TEX22: variants seen among roughly 807,000 people sequenced by gnomAD.
TEX22 encodes the protein testis-expressed protein 22.
TEX22 carries 16 observed loss-of-function variants against 11.3 expected under a neutral mutation model. The observed-to-expected ratio is 1.42, with a 90% confidence interval of 0.96 to 2.15. The LOEUF is 2.15. Among genes scored for constraint, TEX22 ranks in the 30% most tolerant of loss-of-function variants. TEX22 has a pLI of 0.00. For synonymous variants in TEX22, 97 were observed against 92.3 expected, an observed-to-expected ratio of 1.05 and a Z score of -0.29; for missense variants, 220 against 208.6, an observed-to-expected ratio of 1.05 and a Z score of -0.34.
At chr14:105,405,941 A>G (rs1270445135) in intron 2 of TEX22, among the ~76,000 whole-genome samples, 2 of 152,238 alleles carry the variant, frequency 1.3e-5, no homozygotes, top group Admixed American at 1.3e-4. Context: ...GAAGGTGGCA[A>G]AGACACCACT....
At chr14:105,406,376 A>C (rs1158093606) in intron 2 of TEX22, among the ~76,000 whole-genome samples, 1 of 152,240 alleles carries the variant, frequency 6.6e-6, no homozygotes, top group Non-Finnish European at 1.5e-5. Context: ...GAATCTATGA[A>C]GAGATGCTTG....
In TEX22 at chr14:105,411,563, C is replaced by G. The variant is rs1400013103; in HGVS notation, c.279+67C>G. On this transcript the variant is annotated intron_variant, in intron 3 of 3. Transcript: ENST00000451127. The stretch of plus-strand genomic sequence containing the variant: ...CCCCGCCCCTCCGCCTCGCCTCCCT[C>G]GACTCAGTCCCACTGGGCCCTTTAC... The G allele has an allele frequency of 1.1e-5, 13 of 1,231,750 alleles. No homozygotes were observed. In the African/African-American group the frequency reaches 1.3e-4, roughly 12 times the overall value. 76.3% of individuals were successfully genotyped at this position (1,231,750 alleles called of 1,614,324 possible).
In TEX22 at chr14:105,411,413, G is replaced by A. The variant is rs1305074679; in HGVS notation, c.196G>A (p.Val66Ile). 1 of 1,274,650 alleles carries A rather than the reference G, an allele frequency of 7.8e-7. No individual in the cohort carries two copies. Among genetic ancestry groups the A allele is most frequent in the Non-Finnish European group, 9.9e-7 (1 of 1,014,860 alleles). The allele number at this position is 1,274,650 out of a possible 1,614,324, so 79.0% of individuals were successfully genotyped here. ...ERRRPGRRWS[V>I]SIDERRRLAT... ...CAGGCGCCCGGGCCGCCGCTGGAGCGTCAGCATCGACGAGCGCCGGCGGCT... is the reference window on the plus strand; with the variant it reads ...CAGGCGCCCGGGCCGCCGCTGGAGCATCAGCATCGACGAGCGCCGGCGGCT... The change falls in exon 3 of 4, where the codon GTC becomes ATC. Residue 66 changes from valine (V) to isoleucine (I), a missense_variant. Physicochemically the swap from Val to Ile is conservative, Grantham distance 29. Coordinates refer to ENST00000451127, the MANE Select transcript of TEX22 (RefSeq NM_001195082.2).
At chr14:105,398,707 C>G (rs1222835190) in intron 1 of TEX22, 72 bp downstream of exon 1, 2 of 150,202 alleles carry the variant, frequency 1.3e-5, no homozygotes, top group African/African-American at 5.1e-5. Context: ...TGTACCCCGC[C>G]CCCCCGCCGA....
Position 105,412,596 on chromosome 14 carries a change from C to G in TEX22, c.*763C>G, listed in dbSNP as rs1376054926. On this transcript the variant is annotated 3_prime_UTR_variant, in exon 4 of 4. Transcript: ENST00000451127. This position sits in a 1 kb window ranked among gnomAD's most constrained non-coding sequence, Gnocchi z 5.8. Reference sequence around the variant, plus strand: ...CAGGGCCCTCGGAAGGGTGCTGAGCCGGGGTAACGTGTCCCAGCTGCATTT... The same window carrying G: ...CAGGGCCCTCGGAAGGGTGCTGAGCGGGGGTAACGTGTCCCAGCTGCATTT... 6.8e-6 allele frequency: 1 copy of G among 148,110 alleles called. No individual in the cohort carries two copies. Among genetic ancestry groups the G allele is most frequent in the East Asian group, 2.1e-4 (1 of 4,848 alleles). 9.2% of individuals were successfully genotyped at this position (148,110 alleles called of 1,614,324 possible).
chr14:105,409,096 A>G (rs1286105969), intron 2 of TEX22, among the ~76,000 whole-genome samples: 2 of 151,448 alleles, frequency 1.3e-5, no homozygotes, highest in Non-Finnish European at 2.9e-5. Context: ...TCTCCTTGGC[A>G]GTGGCCTTCC....
chr14:105,404,497 C>T (rs1555418733), intron 2 of TEX22, among the ~76,000 whole-genome samples: 2 of 152,216 alleles, frequency 1.3e-5, no homozygotes, highest in African/African-American at 4.8e-5. Context: ...GGACAGCTCT[C>T]ACAGGCAGTC....
intron 2 of TEX22, among the ~76,000 whole-genome samples, chr14:105,400,345 A>G (rs2081620280): frequency 6.6e-6 from 1 of 152,084 alleles, no homozygotes; most frequent in African/African-American, 2.4e-5. Context: ...AACCCCTATG[A>G]TGGTGTCAGG....
chr14:105,411,286 T>C (rs1555419307), intron 2 of TEX22, 82 bp from the exon 3 acceptor site: 2 of 1,221,812 alleles, frequency 1.6e-6, no homozygotes, highest in African/African-American at 1.6e-5. Flanking sequence ...GGGCGAGCTC[T>C]GAGGGTCGGC....
chr14:105,405,768 A>G (rs1555418845), intron 2 of TEX22, among the ~76,000 whole-genome samples: 1 of 152,270 alleles, frequency 6.6e-6, no homozygotes, highest in Non-Finnish European at 1.5e-5. Flanking sequence ...ATGCAGAAGT[A>G]AACAAGATAT....
At chr14:105,409,081 T>C (rs2081674509) in intron 2 of TEX22, among the ~76,000 whole-genome samples, 1 of 151,938 alleles carries the variant, frequency 6.6e-6, no homozygotes, top group Admixed American at 6.6e-5. Flanking sequence ...TCTGGAGCTG[T>C]GTTTTCTCCT....
intron 2 of TEX22, among the ~76,000 whole-genome samples, chr14:105,403,658 G>A (rs1210213235): frequency 6.6e-6 from 1 of 152,212 alleles, no homozygotes; most frequent in Non-Finnish European, 1.5e-5. Flanking sequence ...CTGGGCTCAT[G>A]TGATCCTCCA....
rs966715314 is a variant in TEX22, at chr14:105,411,874, C to T, written c.*41C>T. 66 of 1,377,550 alleles carry T rather than the reference C, an allele frequency of 4.8e-5. No individual in the cohort carries two copies. The highest frequency in any genetic ancestry group is 6.0e-5 in the Non-Finnish European group (64 of 1,063,712). 85.3% of individuals were successfully genotyped at this position (1,377,550 alleles called of 1,614,324 possible). A position where few individuals can be genotyped will look rare whatever the true frequency, so the allele number is the denominator to read the frequency against. ...CATTGTCTGTCTTCCAGTGCCTTTC[C>T]TTGGGGGCCCACGGTGGGGGCAGCC... On this transcript the variant is annotated 3_prime_UTR_variant, in exon 4 of 4. Coordinates refer to ENST00000451127, the MANE Select transcript of TEX22 (RefSeq NM_001195082.2).
In TEX22 at chr14:105,411,982, A is replaced by G. The variant is rs1036906925; in HGVS notation, c.*149A>G. The stretch of plus-strand genomic sequence containing the variant: ...GGCCAGGCAGGACCTGGCTCCGGAC[A>G]GCCTGCAGCTGCTGAGGCCTTGGAG... On this transcript the variant is annotated 3_prime_UTR_variant, in exon 4 of 4. Coordinates refer to ENST00000451127, the MANE Select transcript of TEX22 (RefSeq NM_001195082.2). The G allele has an allele frequency of 3.9e-6, 3 of 772,410 alleles. No homozygotes were observed. The highest frequency in any genetic ancestry group is 5.7e-6 in the Non-Finnish European group (3 of 524,546). The allele number at this position is 772,410 out of a possible 1,614,324, so 47.8% of individuals were successfully genotyped here. A position where few individuals can be genotyped will look rare whatever the true frequency, so the allele number is the denominator to read the frequency against.
intron 2 of TEX22, among the ~76,000 whole-genome samples, chr14:105,401,734 T>G (rs2081627945): frequency 6.6e-6 from 1 of 151,900 alleles, no homozygotes; most frequent in South Asian, 2.1e-4. Context: ...AAAGTATAAT[T>G]TAAAAAAAAC....
Position 105,412,739 on chromosome 14 carries a change from C to G in TEX22, c.*906C>G, listed in dbSNP as rs1329548097. ...AAAGGGCCCTGAACTCTGTGACTGA[C>G]TGTTAGGGGCCTGACTGGGCTTCTG... On this transcript the variant is annotated 3_prime_UTR_variant, in exon 4 of 4. Transcript: ENST00000451127. The surrounding 1 kb of genome is among the most constrained non-coding windows in gnomAD (Gnocchi z 5.8). 1.3e-5 allele frequency: 2 copies of G among 152,220 alleles called. No individual in the cohort carries two copies. Among genetic ancestry groups the G allele is most frequent in the Non-Finnish European group, 2.9e-5 (2 of 68,174 alleles). 9.4% of individuals were successfully genotyped at this position (152,220 alleles called of 1,614,324 possible). A position where few individuals can be genotyped will look rare whatever the true frequency, so the allele number is the denominator to read the frequency against.
Position 105,411,452 on chromosome 14 carries a change from GGCCGGGAGAGGCCGGGCGCC to G in TEX22, c.243_262del (p.Glu81AspfsTer52). 8.1e-7 allele frequency: 1 copy of G among 1,232,568 alleles called. No individual in the cohort carries two copies. The highest frequency in any genetic ancestry group is 1.0e-6 in the Non-Finnish European group (1 of 990,128). 76.4% of individuals were successfully genotyped at this position (1,232,568 alleles called of 1,614,324 possible). ...GCGCCGGCGGCTGGCCACGCTGGGC[GGCCGGGAGAGGCCGGGCGCC>G]GCCGGGACCCAGCTGCACTGCAGGG... On this transcript the variant is annotated frameshift_variant, in exon 3 of 4. Coordinates refer to ENST00000451127, the MANE Select transcript of TEX22 (RefSeq NM_001195082.2). LOFTEE classifies it low-confidence loss of function (END_TRUNC).
chr14:105,411,293 C>A, intron 2 of TEX22, 75 bp from the exon 3 acceptor site: 2 of 1,225,022 alleles, frequency 1.6e-6, no homozygotes, highest in Non-Finnish European at 2.0e-6. Flanking sequence ...CTCTGAGGGT[C>A]GGCGGGTGCT....
At chr14:105,402,523 G>A (rs1270338724) in intron 2 of TEX22, among the ~76,000 whole-genome samples, 1 of 151,964 alleles carries the variant, frequency 6.6e-6, no homozygotes, top group Non-Finnish European at 1.5e-5. Context: ...GGGAGGCTGG[G>A]GCGGGCAGAT....
Sources: allele counts gnomAD v4.1 joint callset (sites outside exome capture counted in the v4.1 genomes callset), GRCh38; gene constraint gnomAD v4.1.1; non-coding constraint Gnocchi (gnomAD v3.1); transcripts MANE v1.5; gene names NCBI Gene and HGNC (gene_info 2026-07-23, HGNC 2026-07-21).